The following SPIRE1 variants were observed in gnomAD, a reference collection of about 807,000 sequenced individuals.
SPIRE1 encodes spire type actin nucleation factor 1.
Under a neutral mutation model 94.1 loss-of-function variants are expected in SPIRE1, and 40 were observed. That is an observed-to-expected ratio of 0.43 (90% confidence interval 0.33 to 0.55). SPIRE1 has a LOEUF of 0.55. SPIRE1 is among the 20% of genes least tolerant of loss of function. The pLI, the probability that SPIRE1 is intolerant of heterozygous loss-of-function variation, is 0.06. For synonymous variants in SPIRE1, 376 were observed against 371.7 expected (o/e 1.01, Z -0.13); for missense variants, 838 against 975.2 (o/e 0.86, Z 1.87).
intron 6 of SPIRE1, among the ~76,000 whole-genome samples, chr18:12,503,470 C>T (rs1007436178): frequency 3.9e-5 from 6 of 152,266 alleles, no homozygotes; most frequent in Middle Eastern, 3.4e-3. Flanking sequence ...CGAGGCTGCA[C>T]GGGTTCGGTC....
chr18:12,524,721 C>A (rs2034454162), intron 4 of SPIRE1, among the ~76,000 whole-genome samples: 1 of 152,104 alleles, frequency 6.6e-6, no homozygotes, highest in African/African-American at 2.4e-5. Context: ...TGCATGTAAT[C>A]TCAGTGCGTT....
chr18:12,558,164 C>G (rs1266837899), intron 2 of SPIRE1, among the ~76,000 whole-genome samples: 1 of 152,178 alleles, frequency 6.6e-6, no homozygotes, highest in Admixed American at 6.5e-5. Flanking sequence ...GATGGTGTGC[C>G]CGGAGTTTCT....
At chr18:12,628,720 T>C (rs895513617) in intron 2 of SPIRE1, among the ~76,000 whole-genome samples, 3 of 152,154 alleles carry the variant, frequency 2.0e-5, no homozygotes, top group Non-Finnish European at 2.9e-5. Flanking sequence ...CTCTCTCTTA[T>C]TTTGTTGAGC....
intron 2 of SPIRE1, among the ~76,000 whole-genome samples, chr18:12,584,644 A>G (rs544753532): frequency 6.6e-6 from 1 of 152,178 alleles, no homozygotes; most frequent in African/African-American, 2.4e-5. Flanking sequence ...TCTCCCCTCA[A>G]ATTAGCCAGG....
intron 2 of SPIRE1, among the ~76,000 whole-genome samples, chr18:12,585,259 C>T (rs547522746): frequency 2.0e-5 from 3 of 152,278 alleles, no homozygotes; most frequent in East Asian, 1.9e-4. Flanking sequence ...TATTACAACA[C>T]TTCATCCCTC....
chr18:12,560,120 C>T (rs2144387459), intron 2 of SPIRE1, among the ~76,000 whole-genome samples: 1 of 152,274 alleles, frequency 6.6e-6, no homozygotes, highest in Admixed American at 6.5e-5. Flanking sequence ...AAAGGGAACC[C>T]TTGTACACTG....
At chr18:12,542,178 C>T (rs2144250899) in intron 3 of SPIRE1, among the ~76,000 whole-genome samples, 1 of 152,106 alleles carries the variant, frequency 6.6e-6, no homozygotes, top group African/African-American at 2.4e-5. Flanking sequence ...GGGGTTTCAC[C>T]ATGGTAGTCA....
intron 1 of SPIRE1, chr18:12,656,723 G>C: frequency 1.0e-6 from 1 of 977,624 alleles, no homozygotes; most frequent in Admixed American, 6.2e-5. Flanking sequence ...TCTTCAATGA[G>C]CATCTGAGTA....
chr18:12,633,717 A>G (rs1207198117), intron 2 of SPIRE1, among the ~76,000 whole-genome samples: 1 of 152,208 alleles, frequency 6.6e-6, no homozygotes, highest in Non-Finnish European at 1.5e-5. Flanking sequence ...TAAAACCTAC[A>G]ACAATATGTA....
chr18:12,503,174 T>C (rs1598417869), intron 6 of SPIRE1, among the ~76,000 whole-genome samples: 1 of 151,952 alleles, frequency 6.6e-6, no homozygotes, highest in Admixed American at 6.6e-5. Flanking sequence ...CAATCTTTCA[T>C]CTTCTTTTAA....
At chr18:12,593,060 A>G (rs1030230327) in intron 2 of SPIRE1, among the ~76,000 whole-genome samples, 2 of 152,040 alleles carry the variant, frequency 1.3e-5, no homozygotes, top group Non-Finnish European at 2.9e-5. Context: ...GTTGTAGATT[A>G]CTCTTCGTGT....
chr18:12,624,238 A>T (rs1598549373), intron 2 of SPIRE1, among the ~76,000 whole-genome samples: 1 of 29,714 alleles, frequency 3.4e-5, no homozygotes, highest in Non-Finnish European at 1.3e-4. Flanking sequence ...GCAAATTATT[A>T]AAAAAAAAAA....
intron 2 of SPIRE1, among the ~76,000 whole-genome samples, chr18:12,565,287 T>C (rs34503700): frequency 0.063 from 9,626 of 152,278 alleles, 436 homozygotes; most frequent in Non-Finnish European, 0.093. Flanking sequence ...ATATTCAAAA[T>C]GTTAAGAGAA....
At chr18:12,573,873 G>C (rs1018244079) in intron 2 of SPIRE1, among the ~76,000 whole-genome samples, 1 of 152,028 alleles carries the variant, frequency 6.6e-6, no homozygotes, top group African/African-American at 2.4e-5. Context: ...CCGAGTAGCT[G>C]GGACTACAGG....
In SPIRE1 at chr18:12,535,458, C is replaced by G; in HGVS notation, c.729+18G>C. The G allele has an allele frequency of 1.3e-6, 2 of 1,595,530 alleles. No homozygotes were observed. Among genetic ancestry groups the G allele is most frequent in the Non-Finnish European group, 8.6e-7 (1 of 1,168,046 alleles). On this transcript the variant is annotated intron_variant, in intron 4 of 16. Coordinates refer to ENST00000409402, the MANE Select transcript of SPIRE1 (RefSeq NM_001128626.2). ...CCAATCAAACAATGCCAATAAATATCAAAGCAGTAGTACTCACCTCTTTCG... is the reference window on the plus strand; with the variant it reads ...CCAATCAAACAATGCCAATAAATATGAAAGCAGTAGTACTCACCTCTTTCG...
intron 2 of SPIRE1, among the ~76,000 whole-genome samples, chr18:12,566,012 G>A (rs1367240934): frequency 2.8e-5 from 4 of 145,128 alleles, no homozygotes; most frequent in Non-Finnish European, 4.5e-5. Context: ...CAGCCTGGGC[G>A]ACAATACAAA....
intron 7 of SPIRE1, among the ~76,000 whole-genome samples, chr18:12,495,049 C>CAAAAA (rs773920267): frequency 1.9e-4 from 15 of 81,034 alleles, no homozygotes; most frequent in African/African-American, 1.6e-4. Context: ...GACTCTGTCT[C>CAAAAA]AAAAAAAAAA....
At chr18:12,543,673 C>T (rs1422689949) in intron 3 of SPIRE1, among the ~76,000 whole-genome samples, 1 of 152,214 alleles carries the variant, frequency 6.6e-6, no homozygotes, top group Non-Finnish European at 1.5e-5. Context: ...AAATAAAAGA[C>T]TATCCGGGAC....
chr18:12,536,654 T>C (rs1262450068), intron 3 of SPIRE1, among the ~76,000 whole-genome samples: 1 of 152,182 alleles, frequency 6.6e-6, no homozygotes, highest in Non-Finnish European at 1.5e-5. Context: ...TTACCATACA[T>C]AGTCCATAAT....
Sources: allele counts gnomAD v4.1 joint callset (sites outside exome capture counted in the v4.1 genomes callset), GRCh38; gene constraint gnomAD v4.1.1; transcripts MANE v1.5; gene names NCBI Gene and HGNC (gene_info 2026-07-23, HGNC 2026-07-21).